Variants in WDFY3 observed in about 807,000 individuals in gnomAD.
The protein encoded by WDFY3 is WD repeat and FYVE domain containing 3, also known as WD repeat and FYVE domain-containing protein 3.
WDFY3 carries 66 observed loss-of-function variants against 409.6 expected under a neutral mutation model. That is an observed-to-expected ratio of 0.16 (90% CI 0.13 to 0.20). The LOEUF is 0.20. Ranked by LOEUF, WDFY3 falls within the 10% of genes least tolerant of loss-of-function variation. The probability of loss-of-function intolerance (pLI) is 1.00; values close to 1 mark genes in which losing one functional copy is unlikely to be tolerated. For missense variants in WDFY3, 3,031 were observed against 4,298.1 expected (o/e 0.71, Z 8.24); for synonymous variants, 1,521 against 1,537.1 (o/e 0.99, Z 0.25).
chr4:84,954,524 G>A (rs138491012), intron 1 of WDFY3, among the ~76,000 whole-genome samples: 1,707 of 151,918 alleles, frequency 0.011, 30 homozygotes, highest in African/African-American at 0.04. Flanking sequence ...AAATTTATAG[G>A]GATTTCTAGG....
At chr4:84,686,790 C>A (rs981797022) in intron 62 of WDFY3, among the ~76,000 whole-genome samples, 1 of 152,078 alleles carries the variant, frequency 6.6e-6, no homozygotes. Flanking sequence ...CTTGCTAATG[C>A]GACACACATC....
chr4:84,954,974 G>A (rs918702106), intron 1 of WDFY3, among the ~76,000 whole-genome samples: 2 of 152,174 alleles, frequency 1.3e-5, no homozygotes, highest in Admixed American at 6.5e-5. Flanking sequence ...GGAGGCTGAG[G>A]CAGGTGGATC....
chr4:84,786,865 C>G (rs1269751290), intron 23 of WDFY3, among the ~76,000 whole-genome samples: 1 of 152,066 alleles, frequency 6.6e-6, no homozygotes, highest in African/African-American at 2.4e-5. Flanking sequence ...AGATAAATTA[C>G]TAAATCTTAG....
intron 13 of WDFY3, 100 bp downstream of exon 13, chr4:84,817,292 A>AT (rs1753438841): frequency 2.7e-6 from 4 of 1,462,250 alleles, no homozygotes; most frequent in Non-Finnish European, 3.7e-6. Context: ...GGTAATTTGG[A>AT]TTTTTTTTAA....
chr4:84,770,420 CA>C (rs1313402450), intron 30 of WDFY3, among the ~76,000 whole-genome samples: 5 of 152,084 alleles, frequency 3.3e-5, no homozygotes, highest in Non-Finnish European at 7.4e-5. Context: ...ACTGGGAAAC[CA>C]AAAAATTTAT....
intron 3 of WDFY3, among the ~76,000 whole-genome samples, chr4:84,881,370 T>C (rs1025496278): frequency 1.3e-5 from 2 of 152,038 alleles, no homozygotes; most frequent in African/African-American, 4.8e-5. Flanking sequence ...ACCATAAAGA[T>C]AAACAAATAA....
chr4:84,933,150 C>T (rs979491926), intron 1 of WDFY3, among the ~76,000 whole-genome samples: 3 of 152,076 alleles, frequency 2.0e-5, no homozygotes, highest in Non-Finnish European at 4.4e-5. Flanking sequence ...TAATGACATT[C>T]GCCTTTTCAG....
At chr4:84,837,208 G>A (rs1756696596) in intron 6 of WDFY3, 118 bp from the exon 7 acceptor site, 18 of 861,964 alleles carry the variant, frequency 2.1e-5, no homozygotes, top group Non-Finnish European at 2.8e-5. Flanking sequence ...TAAAATGCAT[G>A]TAAGAATTTA....
chr4:84,826,691 C>G, intron 10 of WDFY3, 124 bp downstream of exon 10: 4 of 965,150 alleles, frequency 4.1e-6, no homozygotes, highest in African/African-American at 1.7e-5. Flanking sequence ...AAAAAACAAG[C>G]TTTAAGGGAA....
At chr4:84,859,218 T>C (rs1760200494) in intron 4 of WDFY3, among the ~76,000 whole-genome samples, 2 of 152,212 alleles carry the variant, frequency 1.3e-5, no homozygotes, top group South Asian at 2.1e-4. Context: ...AGGTTCATCT[T>C]TGAATAAATT....
At chr4:84,737,910 T>A (rs934308125) in intron 40 of WDFY3, among the ~76,000 whole-genome samples, 9 of 152,106 alleles carry the variant, frequency 5.9e-5, no homozygotes, top group Admixed American at 2.0e-4. Context: ...GGTTTCTGAT[T>A]CAGTAGGTCA....
chr4:84,870,770 G>C (rs892809313), intron 3 of WDFY3, among the ~76,000 whole-genome samples: 6 of 151,962 alleles, frequency 3.9e-5, no homozygotes, highest in African/African-American at 1.5e-4. Flanking sequence ...AAAGCCCAGG[G>C]GAAACACTTG....
chr4:84,687,985 A>T, intron 62 of WDFY3, 101 bp downstream of exon 62: 1 of 1,264,898 alleles, frequency 7.9e-7, no homozygotes, highest in Non-Finnish European at 1.1e-6. Context: ...CCTCCTGAGC[A>T]GCTGCAACTC....
At position 84,849,932 on chromosome 4, in the gene WDFY3, T is replaced by C. The variant is rs905762073; in HGVS notation, c.274A>G (p.Ile92Val). The C allele has an allele frequency of 1.9e-6, 3 of 1,611,452 alleles. No individual in the cohort carries two copies. Among genetic ancestry groups the C allele is most frequent in the African/African-American group, 1.3e-5 (1 of 74,816 alleles). Residue 92 changes from isoleucine (I) to valine (V), a missense_variant, in exon 5 of 68, where the codon ATT (isoleucine) becomes GTT (valine). By Grantham distance (29) the Ile-to-Val change is conservative. Coordinates refer to ENST00000295888, the MANE Select transcript of WDFY3 (RefSeq NM_014991.6). ...TQVSRLMVTE[I>V]RRRASNKSTE... The stretch of plus-strand genomic sequence containing the variant: ...GATTTGTTTGATGCTCTCCTTCGAA[T>C]TTCTGTCACCATTAGTCGTGAGACT...
rs987883303 is a variant in WDFY3 at position 84,726,849 on chromosome 4, T to C, written c.7272+12A>G. 1.3e-6 allele frequency: 2 copies of C among 1,592,930 alleles called. No homozygotes were observed. The highest frequency in any genetic ancestry group is 1.7e-6 in the Non-Finnish European group (2 of 1,174,240). On this transcript the variant is annotated intron_variant, in intron 45 of 67. Coordinates refer to ENST00000295888, the MANE Select transcript of WDFY3 (RefSeq NM_014991.6). Reference sequence around the variant, plus strand: ...AGTAGTTTACATTCTTTTACTGTAATTTGTGTTTTACCTTTTGAGGAATAT... The same window carrying C: ...AGTAGTTTACATTCTTTTACTGTAACTTGTGTTTTACCTTTTGAGGAATAT...
In WDFY3 at chr4:84,849,957, T is replaced by A; in HGVS notation, c.249A>T (p.Gln83His). 1 of 1,611,594 alleles carries A rather than the reference T, an allele frequency of 6.2e-7. No individual in the cohort carries two copies. The highest frequency in any genetic ancestry group is 1.1e-5 in the South Asian group (1 of 90,288). The change falls in exon 5 of 68, where the codon CAA becomes CAT. Residue 83 changes from glutamine to histidine, a missense_variant. This residue lies in a region of WDFY3 where 1,322 missense variants were observed against 1,697.9 expected (regional missense o/e 0.78). Transcript: ENST00000295888. ...KFSDLLQFTT[Q>H]VSRLMVTEIR... The stretch of plus-strand genomic sequence containing the variant: ...TTTCTGTCACCATTAGTCGTGAGAC[T>A]TGTGTTGTGAACTGCAGAAGATCAG...
Position 84,834,094 on chromosome 4 carries a change from T to C in WDFY3, c.577-2489A>G, listed in dbSNP as rs547889553. Reference sequence around the variant, plus strand: ...TCTCAGAGGGGTGTATTAGTGATTATAGTTGTTGTTGGTTCTGACACTGCC... The same window carrying C: ...TCTCAGAGGGGTGTATTAGTGATTACAGTTGTTGTTGGTTCTGACACTGCC... On this transcript the variant is annotated intron_variant, in intron 7 of 67. Transcript: ENST00000295888. Among the ~76,000 whole-genome samples the C allele has an allele frequency of 1.2e-4, 19 of 152,328 alleles. No homozygotes were observed. In the South Asian group the frequency reaches 3.5e-3, roughly 28 times the overall value.
At chr4:84,715,223 C>A in intron 50 of WDFY3, 75 bp downstream of exon 50, 1 of 796,934 alleles carries the variant, frequency 1.3e-6, no homozygotes, top group Non-Finnish European at 2.0e-6. Context: ...TTTTAAAAAC[C>A]AGCAAAACTG....
At chr4:84,793,743 G>A (rs1438562182) in intron 21 of WDFY3, among the ~76,000 whole-genome samples, 2 of 152,144 alleles carry the variant, frequency 1.3e-5, no homozygotes, top group Non-Finnish European at 2.9e-5. Flanking sequence ...CTATATTGAT[G>A]CCTAGCTCTG....
Sources: gnomAD v4.1 joint callset for allele counts (sites outside exome capture counted in the v4.1 genomes callset) on GRCh38, gnomAD v4.1.1 for gene constraint, gnomAD v4.1.1 regional missense constraint, MANE v1.5 for transcripts, NCBI Gene and HGNC (gene_info 2026-07-23, HGNC 2026-07-21) for gene names.